Variants in CXADR observed in about 807,000 individuals in gnomAD.
CXADR encodes coxsackievirus and adenovirus receptor.
CXADR carries 20 observed loss-of-function variants against 40.3 expected under a neutral mutation model. The observed-to-expected ratio is 0.50, with a 90% CI of 0.35 to 0.72. The LOEUF (loss-of-function observed/expected upper bound fraction) is 0.72. Among genes scored for constraint, CXADR ranks in the 30% least tolerant of loss-of-function variants. The probability of loss-of-function intolerance (pLI) is 0.01; values close to 1 mark genes in which losing one functional copy is unlikely to be tolerated. For synonymous variants in CXADR, 150 were observed against 161.3 expected (o/e 0.93, Z 0.53); for missense variants, 332 against 449.1 (o/e 0.74, Z 2.36).
the CXADR span, among the ~76,000 whole-genome samples, chr21:17,599,406 C>G: frequency 2.0e-5 from 3 of 151,416 alleles, no homozygotes; most frequent in Non-Finnish European, 4.4e-5. Flanking sequence ...TCCCAAACTC[C>G]TAGGCTCAAG....
intron 7 of CXADR, among the ~76,000 whole-genome samples, chr21:17,581,855 A>C (rs2061362392): frequency 6.6e-6 from 1 of 151,922 alleles, no homozygotes; most frequent in Non-Finnish European, 1.5e-5. Flanking sequence ...CTCAAAAAAA[A>C]AAAAAATTAT....
At chr21:17,626,203 A>G in the CXADR span, among the ~76,000 whole-genome samples, 1 of 152,060 alleles carries the variant, frequency 6.6e-6, no homozygotes, top group Admixed American at 6.6e-5. Context: ...CTCATGAGCC[A>G]TTTTCTGTTT....
chr21:17,524,134 T>G (rs2060566857), intron 1 of CXADR, among the ~76,000 whole-genome samples: 1 of 151,464 alleles, frequency 6.6e-6, no homozygotes, highest in African/African-American at 2.4e-5. Context: ...CCTCAGGTGA[T>G]CCACCCACCT....
intron 2 of CXADR, among the ~76,000 whole-genome samples, chr21:17,549,844 C>G (rs898675553): frequency 2.0e-5 from 3 of 152,104 alleles, no homozygotes; most frequent in Admixed American, 2.0e-4. Flanking sequence ...TTATGATAAG[C>G]CTTTTAATCA....
chr21:17,568,321 G>T lies in CXADR; in HGVS notation c.*2629G>T. 1.6e-5 allele frequency: 13 copies of T among 800,172 alleles called. No homozygotes were observed. The highest frequency in any genetic ancestry group is 2.0e-5 in the Non-Finnish European group (13 of 661,794). 49.6% of individuals were successfully genotyped at this position (800,172 alleles called of 1,614,324 possible). On this transcript the variant is annotated 3_prime_UTR_variant, in exon 7 of 7. Transcript: ENST00000284878. ...GTTTTTGTAATTTTAGTAGAGACAGGGTTTCACCGTGTTAGCCAGGATGGT... is the reference window on the plus strand; with the variant it reads ...GTTTTTGTAATTTTAGTAGAGACAGTGTTTCACCGTGTTAGCCAGGATGGT...
At chr21:17,513,242 G>A in intron 1 of CXADR, 70 bp downstream of exon 1, 2 of 1,308,078 alleles carry the variant, frequency 1.5e-6, no homozygotes, top group Non-Finnish European at 9.8e-7. Flanking sequence ...GGCCACCCAG[G>A]AACAATGGGG....
intron 1 of CXADR, among the ~76,000 whole-genome samples, chr21:17,545,781 G>T (rs4818360): frequency 8.5e-4 from 103 of 120,658 alleles, no homozygotes; most frequent in African/African-American, 1.2e-3. Context: ...GGTTTTTTTT[G>T]TTTTTTTTTT....
chr21:17,601,062 C>G, the CXADR span, among the ~76,000 whole-genome samples: 1 of 151,944 alleles, frequency 6.6e-6, no homozygotes, highest in Non-Finnish European at 1.5e-5. Context: ...ACTCGGGAGG[C>G]TGAGGCAGGA....
At chr21:17,544,780 C>T (rs115481988) in intron 1 of CXADR, among the ~76,000 whole-genome samples, 3,798 of 152,192 alleles carry the variant, frequency 0.025, 168 homozygotes, top group African/African-American at 0.088. Flanking sequence ...TTCAGGAGTG[C>T]ATTTACATGT....
At chr21:17,609,224 T>C in the CXADR span, 1 of 1,394,800 alleles carries the variant, frequency 7.2e-7, no homozygotes, top group Non-Finnish European at 9.7e-7. Flanking sequence ...CTGTAAGATA[T>C]ACCTCCTTTA....
chr21:17,518,632 C>T (rs1048638382), intron 1 of CXADR: 63 of 1,589,964 alleles, frequency 4.0e-5, no homozygotes, highest in African/African-American at 2.7e-5. Flanking sequence ...CAAGACTTGC[C>T]GTGGGAACTG....
At chr21:17,570,833 G>T (rs745541080), downstream of CXADR, among the ~76,000 whole-genome samples, 9 of 152,202 alleles carry the variant, frequency 5.9e-5, no homozygotes, top group Non-Finnish European at 1.3e-4. Flanking sequence ...AGAATGGGAT[G>T]TTGATGCTAC....
intron 7 of CXADR, among the ~76,000 whole-genome samples, chr21:17,578,970 C>T (rs1010520139): frequency 1.3e-5 from 2 of 152,238 alleles, no homozygotes; most frequent in South Asian, 2.1e-4. Flanking sequence ...CACCAGATCC[C>T]CCACTAGCTC....
chr21:17,543,000 A>T (rs566038894), intron 1 of CXADR: 46 of 355,740 alleles, frequency 1.3e-4, no homozygotes, highest in South Asian at 9.0e-4. Flanking sequence ...GTTTTATATG[A>T]TCTCAAGATT....
In CXADR at chr21:17,562,815, A is replaced by G. The variant is rs72492052; in HGVS notation, c.833+1339A>G. On this transcript the variant is annotated intron_variant, in intron 6 of 6. Coordinates refer to ENST00000284878, the MANE Select transcript of CXADR (RefSeq NM_001338.5). ...TGTTATGGAAATGGCCTTTTTCCCT[A>G]AACTCATTAACCAGCCTCTGTTAGC... Among the ~76,000 whole-genome samples the G allele has an allele frequency of 8.3e-3, 1,259 of 152,280 alleles. 69 individuals are homozygous for G. In the East Asian group the frequency reaches 0.16, roughly 19 times the overall value.
At position 17,569,854 on chromosome 21, in the gene CXADR, A is replaced by G. The variant is rs558211934; in HGVS notation, c.*4162A>G. The G allele has an allele frequency of 2.0e-6, 2 of 984,608 alleles. No individual in the cohort carries two copies. The allele number at this position is 984,608 out of a possible 1,614,324, so 61.0% of individuals were successfully genotyped here. A position where few individuals can be genotyped will look rare whatever the true frequency, so the allele number is the denominator to read the frequency against. On this transcript the variant is annotated 3_prime_UTR_variant, in exon 7 of 7. Transcript: ENST00000284878. ...AGAACCACAATTCATTGATTCACTT[A>G]TTCTTTTCCCTAATTGTGAATTTTA...
chr21:17,594,257 T>C (rs182523222), downstream of CXADR: 1 of 1,613,254 alleles, frequency 6.2e-7, no homozygotes, highest in East Asian at 2.2e-5. Context: ...TGATGGCCAT[T>C]CCCTCGATAC....
At chr21:17,586,516 G>T (rs975631217) in intron 7 of CXADR, among the ~76,000 whole-genome samples, 3 of 149,956 alleles carry the variant, frequency 2.0e-5, no homozygotes, top group African/African-American at 7.3e-5. Context: ...GCCTAAGTTG[G>T]TCTCAAACTT....
the CXADR span, among the ~76,000 whole-genome samples, chr21:17,629,387 CAAAAAAA>C: frequency 3.7e-5 from 3 of 80,586 alleles, no homozygotes; most frequent in Non-Finnish European, 5.2e-5. Context: ...GACTGTGTCT[CAAAAAAA>C]AAAAAAAAAA....
Sources: allele counts gnomAD v4.1 joint callset (sites outside exome capture counted in the v4.1 genomes callset), GRCh38; gene constraint gnomAD v4.1.1; transcripts MANE v1.5; gene names NCBI Gene and HGNC (gene_info 2026-07-23, HGNC 2026-07-21).